SNTG1: variants seen among roughly 807,000 people sequenced by gnomAD.
The protein encoded by SNTG1 is syntrophin gamma 1, also known as gamma-1-syntrophin.
Under a neutral mutation model 74.7 loss-of-function variants are expected in SNTG1, and 39 were observed. That is an observed-to-expected ratio of 0.52 (90% confidence interval 0.40 to 0.68). The LOEUF is 0.68. Ranked by LOEUF, SNTG1 falls within the 30% of genes least tolerant of loss-of-function variation. The pLI is 0.00. For missense variants in SNTG1, 685 were observed against 609.5 expected, an observed-to-expected ratio of 1.12 and a Z score of -1.30; for synonymous variants, 254 against 217.1, an observed-to-expected ratio of 1.17 and a Z score of -1.49.
chr8:50,615,172 G>T (rs573694542), intron 13 of SNTG1, among the ~76,000 whole-genome samples: 4 of 152,156 alleles, frequency 2.6e-5, no homozygotes, highest in African/African-American at 9.6e-5. Context: ...AGTTTAGCCA[G>T]GATGGTCTCG....
intron 1 of SNTG1, among the ~76,000 whole-genome samples, chr8:50,084,217 C>CT (rs1822665016): frequency 6.6e-6 from 1 of 152,080 alleles, no homozygotes; most frequent in Non-Finnish European, 1.5e-5. Context: ...ATCCCAGCTC[C>CT]TTGGGAAGCC....
intron 13 of SNTG1, among the ~76,000 whole-genome samples, chr8:50,635,754 G>A (rs900294812): frequency 5.9e-5 from 9 of 152,140 alleles, no homozygotes; most frequent in Admixed American, 2.6e-4. Context: ...TATAATCAGA[G>A]ATCCCATGAG....
chr8:49,935,705 T>A (rs992832872), intron 1 of SNTG1, among the ~76,000 whole-genome samples: 1 of 152,264 alleles, frequency 6.6e-6, no homozygotes, highest in Middle Eastern at 3.4e-3. Context: ...CTTGGCACAA[T>A]CCTTTGTCAC....
intron 1 of SNTG1, among the ~76,000 whole-genome samples, chr8:49,951,873 C>CAAAAAAAAAAAAAAAA (rs5891338): frequency 1.2e-4 from 7 of 56,296 alleles, no homozygotes; most frequent in Admixed American, 6.5e-4. Flanking sequence ...GGAAAATTCA[C>CAAAAAAAAAAAAAAAA]AAAAAAAAAA....
chr8:50,185,498 T>C (rs903123049), intron 2 of SNTG1, among the ~76,000 whole-genome samples: 1 of 152,248 alleles, frequency 6.6e-6, no homozygotes, highest in African/African-American at 2.4e-5. Context: ...CAAAACCTGA[T>C]GCTGCCATTT....
rs75725936 is a variant in SNTG1, at chr8:50,284,084, T to G, written c.-27-110128T>G. On this transcript the variant is annotated intron_variant, in intron 2 of 18. Transcript: ENST00000642720. ...ACACATAGTATTTATTCATCTTGTC[T>G]GTAACGGTGTCACAGACATTCTTTG... Among the ~76,000 whole-genome samples the G allele has an allele frequency of 3.4e-3, 523 of 152,218 alleles. 5 individuals are homozygous for G. The highest frequency in any genetic ancestry group is 0.012 in the African/African-American group (495 of 41,548).
At chr8:50,007,497 G>A (rs1256390280) in intron 1 of SNTG1, among the ~76,000 whole-genome samples, 1 of 152,080 alleles carries the variant, frequency 6.6e-6, no homozygotes, top group Non-Finnish European at 1.5e-5. Context: ...TTAACTGGAG[G>A]GGAAAATAAA....
At chr8:50,277,275 A>G (rs1233051997) in intron 2 of SNTG1, among the ~76,000 whole-genome samples, 1 of 151,784 alleles carries the variant, frequency 6.6e-6, no homozygotes, top group East Asian at 1.9e-4. Flanking sequence ...AAAAAAAAAA[A>G]AAAAAAAAAT....
intron 15 of SNTG1, among the ~76,000 whole-genome samples, chr8:50,664,643 T>C (rs865939924): frequency 6.6e-6 from 1 of 152,146 alleles, no homozygotes; most frequent in Non-Finnish European, 1.5e-5. Context: ...TCCCAGAGGA[T>C]ACCCAAGGCC....
intron 15 of SNTG1, among the ~76,000 whole-genome samples, chr8:50,667,869 G>A (rs2131324386): frequency 6.6e-6 from 1 of 152,014 alleles, no homozygotes; most frequent in Admixed American, 6.6e-5. Context: ...TAGTATAAAA[G>A]TTTAGTCTCT....
chr8:50,030,598 G>T (rs1223573666), intron 1 of SNTG1, among the ~76,000 whole-genome samples: 5 of 151,896 alleles, frequency 3.3e-5, no homozygotes, highest in Admixed American at 6.6e-5. Context: ...TTATGGAACA[G>T]ACTATCATTT....
At chr8:50,745,397 T>C (rs1028943017) in intron 17 of SNTG1, among the ~76,000 whole-genome samples, 20 of 151,950 alleles carry the variant, frequency 1.3e-4, no homozygotes, top group African/African-American at 4.8e-4. Flanking sequence ...CAAACAAAGT[T>C]GTTGATGAGG....
chr8:49,946,104 A>G (rs1319508754), intron 1 of SNTG1, among the ~76,000 whole-genome samples: 2 of 152,114 alleles, frequency 1.3e-5, no homozygotes, highest in African/African-American at 2.4e-5. Flanking sequence ...TCTATCATCT[A>G]TGTATCTATA....
At chr8:50,192,514 A>G (rs868651450) in intron 2 of SNTG1, among the ~76,000 whole-genome samples, 1 of 151,486 alleles carries the variant, frequency 6.6e-6, no homozygotes, top group African/African-American at 2.4e-5. Context: ...TGTTTGTTTT[A>G]CTGATTTGTT....
At chr8:50,305,290 G>C (rs1204698936) in intron 2 of SNTG1, among the ~76,000 whole-genome samples, 1 of 152,106 alleles carries the variant, frequency 6.6e-6, no homozygotes, top group Non-Finnish European at 1.5e-5. Context: ...TCTAAGGACA[G>C]TCTAATTTTC....
chr8:49,979,284 C>A (rs1018169986), intron 1 of SNTG1, among the ~76,000 whole-genome samples: 1 of 152,192 alleles, frequency 6.6e-6, no homozygotes, highest in Non-Finnish European at 1.5e-5. Context: ...GGGCCCCGCA[C>A]CGCCGCCTGC....
Position 50,510,733 on chromosome 8 carries a change from T to C in SNTG1, c.466+7853T>C, listed in dbSNP as rs559193220. The stretch of plus-strand genomic sequence containing the variant: ...TGTTTATAATATTCTCTGATGGTAG[T>C]TTGTATTTCTGTGGGATCGGTGGTG... On this transcript the variant is annotated intron_variant, in intron 9 of 18. Transcript: ENST00000642720. 4.5e-4 allele frequency among the ~76,000 whole-genome samples: 68 copies of C among 152,300 alleles called. No individual in the cohort carries two copies. In the Middle Eastern group the frequency reaches 0.017, roughly 38 times the overall value.
At chr8:50,578,899 G>T (rs1442046571) in intron 12 of SNTG1, among the ~76,000 whole-genome samples, 1 of 152,148 alleles carries the variant, frequency 6.6e-6, no homozygotes, top group South Asian at 2.1e-4. Context: ...ATAGTAAATT[G>T]GTTCAGGAGT....
chr8:50,170,831 G>T (rs931718021), intron 1 of SNTG1, among the ~76,000 whole-genome samples: 29 of 152,222 alleles, frequency 1.9e-4, no homozygotes, highest in African/African-American at 7.0e-4. Context: ...TGCTGGCCAA[G>T]GGCTGCTCTG....
Sources: gnomAD v4.1 joint callset for allele counts (sites outside exome capture counted in the v4.1 genomes callset) on GRCh38, gnomAD v4.1.1 for gene constraint, MANE v1.5 for transcripts, NCBI Gene and HGNC (gene_info 2026-07-23, HGNC 2026-07-21) for gene names.